Variants in ULK4 observed in about 807,000 individuals in gnomAD.
ULK4 encodes inactive serine/threonine-protein kinase ULK4.
In ULK4, 133 loss-of-function variants were observed where a neutral mutation model predicts 160.6. The ratio of observed to expected loss-of-function variants is 0.83; its 90% CI spans 0.72 to 0.96. The LOEUF (loss-of-function observed/expected upper bound fraction) is 0.96, where lower values mean the gene tolerates loss of function less well. Among genes scored for constraint, ULK4 ranks in the 40% least tolerant of loss-of-function variants. ULK4 has a pLI of 0.00. For missense variants in ULK4, 1,580 were observed against 1,499.5 expected (o/e 1.05, Z -0.89); for synonymous variants, 534 against 539.8 (o/e 0.99, Z 0.15).
chr3:41,489,133 T>G (rs548700132), intron 32 of ULK4, among the ~76,000 whole-genome samples: 1 of 152,162 alleles, frequency 6.6e-6, no homozygotes, highest in African/African-American at 2.4e-5. Flanking sequence ...AATTTCTCAA[T>G]TCCTAAGGAA....
chr3:41,909,484 G>A (rs1230051236), intron 11 of ULK4, among the ~76,000 whole-genome samples: 2 of 152,110 alleles, frequency 1.3e-5, no homozygotes, highest in Non-Finnish European at 2.9e-5. Context: ...GGCCAAGACA[G>A]GCAGATCACC....
At chr3:41,730,354 C>G (rs1326903249) in intron 22 of ULK4, among the ~76,000 whole-genome samples, 1 of 151,860 alleles carries the variant, frequency 6.6e-6, no homozygotes, top group African/African-American at 2.4e-5. Flanking sequence ...AAATAGAGTT[C>G]GTTCTTTGAA....
chr3:41,305,419 G>C (rs1331390083), intron 35 of ULK4, among the ~76,000 whole-genome samples: 1 of 152,216 alleles, frequency 6.6e-6, no homozygotes, highest in South Asian at 2.1e-4. Context: ...ACGGGGTTTC[G>C]CTGTGTTGGC....
rs1426417968 is a variant in ULK4, at chr3:41,843,639, G to A, written c.1657-7668C>T. Among the ~76,000 whole-genome samples the A allele has an allele frequency of 7.2e-5, 11 of 152,108 alleles. No individual in the cohort carries two copies. The East Asian group carries it at 2.1e-3, about 29-fold the overall frequency. On this transcript the variant is annotated intron_variant, in intron 17 of 36. Transcript: ENST00000301831. ...TTCAGGAGTGAAGCTGCAGACCTTC[G>A]TGGTGAGTGTTACAGCTCATAAAGG...
intron 5 of ULK4, among the ~76,000 whole-genome samples, chr3:41,926,103 C>T (rs1028521174): frequency 5.9e-5 from 9 of 152,238 alleles, no homozygotes; most frequent in Admixed American, 1.3e-4. Flanking sequence ...AGGAAAGCTC[C>T]GGCTGCTATC....
chr3:41,384,373 C>T (rs1055014373), intron 35 of ULK4, among the ~76,000 whole-genome samples: 4 of 152,056 alleles, frequency 2.6e-5, no homozygotes, highest in South Asian at 2.1e-4. Context: ...ATTCAGTATG[C>T]GAGCCTTGGT....
intron 32 of ULK4, among the ~76,000 whole-genome samples, chr3:41,519,471 A>G (rs2085857346): frequency 6.6e-6 from 1 of 152,194 alleles, no homozygotes; most frequent in African/African-American, 2.4e-5. Flanking sequence ...TCCACTAATA[A>G]TTAAACTCAA....
At chr3:41,274,746 A>G (rs1215905952) in intron 35 of ULK4, among the ~76,000 whole-genome samples, 1 of 152,204 alleles carries the variant, frequency 6.6e-6, no homozygotes, top group Non-Finnish European at 1.5e-5. Flanking sequence ...CAAACAACCA[A>G]AACAGTCAAT....
At chr3:41,487,547 T>A in intron 32 of ULK4, among the ~76,000 whole-genome samples, 1 of 152,264 alleles carries the variant, frequency 6.6e-6, no homozygotes, top group Non-Finnish European at 1.5e-5. Context: ...ATAATAGGAA[T>A]GTGGTATATG....
chr3:41,447,612 G>T (rs1372387280), intron 34 of ULK4, among the ~76,000 whole-genome samples: 1 of 152,166 alleles, frequency 6.6e-6, no homozygotes, highest in African/African-American at 2.4e-5. Flanking sequence ...TTTCCTGTTA[G>T]AAAAGGGTAA....
chr3:41,604,913 CCT>C (rs2032300187), intron 31 of ULK4, among the ~76,000 whole-genome samples: 1 of 151,988 alleles, frequency 6.6e-6, no homozygotes, highest in African/African-American at 2.4e-5. Flanking sequence ...TGTACTTCAC[CCT>C]GTTTGCACCA....
intron 35 of ULK4, among the ~76,000 whole-genome samples, chr3:41,261,916 G>GT (rs2078952414): frequency 6.6e-6 from 1 of 152,238 alleles, no homozygotes; most frequent in Non-Finnish European, 1.5e-5. Flanking sequence ...TGAATCAACA[G>GT]TTTGCTGGGT....
intron 34 of ULK4, among the ~76,000 whole-genome samples, chr3:41,420,106 T>C (rs371651222): frequency 6.6e-6 from 1 of 151,852 alleles, no homozygotes; most frequent in African/African-American, 2.4e-5. Flanking sequence ...AGACAGGAGA[T>C]AAATGTAAGG....
At chr3:41,888,391 G>A (rs1327966357) in intron 16 of ULK4, among the ~76,000 whole-genome samples, 1 of 152,194 alleles carries the variant, frequency 6.6e-6, no homozygotes, top group African/African-American at 2.4e-5. Flanking sequence ...AATCTCAGAT[G>A]ACATGCATAG....
At chr3:41,300,146 A>G (rs2079754165) in intron 35 of ULK4, among the ~76,000 whole-genome samples, 1 of 152,226 alleles carries the variant, frequency 6.6e-6, no homozygotes, top group Non-Finnish European at 1.5e-5. Flanking sequence ...TGAAAAGTGG[A>G]AAAATGAGAG....
chr3:41,915,868 C>A (rs1233287371), intron 8 of ULK4, 109 bp downstream of exon 8: 3 of 734,076 alleles, frequency 4.1e-6, no homozygotes, highest in Non-Finnish European at 6.8e-6. Flanking sequence ...TTTAGAAGTA[C>A]ATAAAAGGGG....
intron 35 of ULK4, among the ~76,000 whole-genome samples, chr3:41,317,562 GAA>G (rs1473611008): frequency 6.6e-6 from 1 of 152,150 alleles, no homozygotes; most frequent in African/African-American, 2.4e-5. Context: ...TTCTATGAAA[GAA>G]GAGGAGATGA....
At chr3:41,562,335 C>G (rs2087614506) in intron 32 of ULK4, among the ~76,000 whole-genome samples, 1 of 152,162 alleles carries the variant, frequency 6.6e-6, no homozygotes, top group Admixed American at 6.5e-5. Context: ...AATGTATTTT[C>G]TGTTTATTTG....
At chr3:41,344,508 T>C (rs2080755945) in intron 35 of ULK4, among the ~76,000 whole-genome samples, 1 of 151,818 alleles carries the variant, frequency 6.6e-6, no homozygotes, top group South Asian at 2.1e-4. Context: ...TCCCAGCACT[T>C]TGGAAGGCTG....
Sources: allele counts gnomAD v4.1 joint callset (sites outside exome capture counted in the v4.1 genomes callset), GRCh38; gene constraint gnomAD v4.1.1; transcripts MANE v1.5; gene names NCBI Gene and HGNC (gene_info 2026-07-23, HGNC 2026-07-21).